ABHD17B: variants seen among roughly 807,000 people sequenced by gnomAD.
ABHD17B encodes the protein alpha/beta hydrolase domain-containing protein 17B.
A neutral mutation model predicts 26.2 loss-of-function variants in ABHD17B; 9 were observed. The observed-to-expected ratio is 0.34, with a 90% CI of 0.21 to 0.60. The LOEUF is 0.60. Among genes scored for constraint, ABHD17B ranks in the 20% least tolerant of loss-of-function variants. The pLI is 0.80. For missense variants in ABHD17B, 224 were observed against 352.1 expected (o/e 0.64, Z 2.91); for synonymous variants, 127 against 122.3 (o/e 1.04, Z -0.25).
At chr9:71,878,663 G>T (rs1410121566) in intron 1 of ABHD17B, among the ~76,000 whole-genome samples, 1 of 152,140 alleles carries the variant, frequency 6.6e-6, no homozygotes, top group Admixed American at 6.5e-5. Flanking sequence ...AGGTATCTGG[G>T]CTGGGTGTGG....
At chr9:71,898,554 G>C (rs536692258) in intron 1 of ABHD17B, among the ~76,000 whole-genome samples, 3 of 151,962 alleles carry the variant, frequency 2.0e-5, no homozygotes, top group African/African-American at 7.3e-5. Context: ...CAGGAGAATC[G>C]CTTGAACCCA....
downstream of ABHD17B, chr9:71,862,469 TTA>T: frequency 7.9e-7 from 1 of 1,262,682 alleles, no homozygotes; most frequent in Non-Finnish European, 1.1e-6. Flanking sequence ...GCAAATAAGT[TTA>T]TGTCATATAA....
In ABHD17B at chr9:71,904,017, A is replaced by G. The variant is rs368663105; in HGVS notation, c.-4+6617T>C. ...AACACAGGTTTCACTTAAAGACCATATTCTATCCACTCTTCCAGTATTTTG... is the reference window on the plus strand; with the variant it reads ...AACACAGGTTTCACTTAAAGACCATGTTCTATCCACTCTTCCAGTATTTTG... On this transcript the variant is annotated intron_variant, in intron 1 of 3. Transcript: ENST00000333421. Among the ~76,000 whole-genome samples, 118 of 152,276 alleles carry G rather than the reference A, an allele frequency of 7.7e-4. 1 individual carries two copies. Among genetic ancestry groups the G allele is most frequent in the African/African-American group, 2.7e-3 (114 of 41,550 alleles).
At position 71,866,798 on chromosome 9, in the gene ABHD17B, C is replaced by T; in HGVS notation, c.856G>A (p.Val286Ile). The T allele has an allele frequency of 6.2e-7, 1 of 1,614,134 alleles. No individual in the cohort carries two copies. The highest frequency in any genetic ancestry group is 8.5e-7 in the Non-Finnish European group (1 of 1,180,004). ...ATTTACAGAATATTTTACAAATTTA[C>T]CAGTTCCTGTGACACAAACTGTTTC... ...RLKQFVSQEL[V>I]NL Residue 286 changes from valine to isoleucine, a missense_variant, in exon 4 of 4, where the codon GTA becomes ATA. Coordinates refer to ENST00000333421, the MANE Select transcript of ABHD17B (RefSeq NM_001025780.3).
chr9:71,882,826 T>C (rs1231031591), intron 1 of ABHD17B, among the ~76,000 whole-genome samples: 1 of 151,496 alleles, frequency 6.6e-6, no homozygotes, highest in East Asian at 1.9e-4. Flanking sequence ...TGTTGCACAA[T>C]TCTGTGAAAA....
intron 1 of ABHD17B, among the ~76,000 whole-genome samples, chr9:71,905,289 A>C (rs1033499300): frequency 1.6e-4 from 24 of 152,036 alleles, no homozygotes; most frequent in African/African-American, 5.8e-4. Flanking sequence ...CACCCGGCTA[A>C]GTTTTGGTAT....
At chr9:71,862,549 A>G, downstream of ABHD17B, 1 of 1,587,274 alleles carries the variant, frequency 6.3e-7, no homozygotes, top group African/African-American at 1.3e-5. Context: ...AATACATAGT[A>G]CCGTCATTGA....
intron 1 of ABHD17B, among the ~76,000 whole-genome samples, chr9:71,886,826 T>C (rs550470821): frequency 5.9e-5 from 9 of 152,198 alleles, no homozygotes; most frequent in African/African-American, 1.9e-4. Flanking sequence ...AGACACAAAC[T>C]GGATGAACTG....
intron 1 of ABHD17B, among the ~76,000 whole-genome samples, chr9:71,886,867 A>T (rs2132169704): frequency 6.6e-6 from 1 of 152,296 alleles, no homozygotes; most frequent in African/African-American, 2.4e-5. Flanking sequence ...ACTCGGAGAA[A>T]AAATTTAAAA....
chr9:71,892,608 A>T (rs908024291), intron 1 of ABHD17B, among the ~76,000 whole-genome samples: 1 of 151,858 alleles, frequency 6.6e-6, no homozygotes, highest in South Asian at 2.1e-4. Context: ...AAATTTAGTT[A>T]ATATAAAATT....
Position 71,866,694 on chromosome 9 carries a change from G to A in ABHD17B, c.*93C>T, listed in dbSNP as rs1825964095. 3 of 1,523,724 alleles carry A rather than the reference G, an allele frequency of 2.0e-6. No homozygotes were observed. Among genetic ancestry groups the A allele is most frequent in the Non-Finnish European group, 2.6e-6 (3 of 1,136,926 alleles). The allele number at this position is 1,523,724 out of a possible 1,614,324, so 94.4% of individuals were successfully genotyped here. A position where few individuals can be genotyped will look rare whatever the true frequency, so the allele number is the denominator to read the frequency against. ...GTACATTTATGAAGGCAACTGACAT[G>A]ATTTGCAAACAAAACCTTCAGGTTT... On this transcript the variant is annotated 3_prime_UTR_variant, in exon 4 of 4. Coordinates refer to ENST00000333421, the MANE Select transcript of ABHD17B (RefSeq NM_001025780.3).
chr9:71,898,678 C>T (rs1382761169), intron 1 of ABHD17B, among the ~76,000 whole-genome samples: 1 of 151,784 alleles, frequency 6.6e-6, no homozygotes, highest in Non-Finnish European at 1.5e-5. Context: ...TGGGAAAGGG[C>T]GGGTTTAGAC....
chr9:71,878,654 G>A (rs1258902604), intron 1 of ABHD17B, among the ~76,000 whole-genome samples: 1 of 152,048 alleles, frequency 6.6e-6, no homozygotes, highest in African/African-American at 2.4e-5. Flanking sequence ...TAAGGATAAA[G>A]GTATCTGGGC....
chr9:71,883,049 A>C (rs2132160180), intron 1 of ABHD17B, among the ~76,000 whole-genome samples: 1 of 152,160 alleles, frequency 6.6e-6, no homozygotes, highest in Admixed American at 6.5e-5. Context: ...AGGCTGAGGC[A>C]GGAGAATCGT....
intron 1 of ABHD17B, among the ~76,000 whole-genome samples, chr9:71,903,587 C>G (rs1394432569): frequency 6.6e-6 from 1 of 152,150 alleles, no homozygotes; most frequent in Non-Finnish European, 1.5e-5. Flanking sequence ...GTAATATAAT[C>G]TGAAGCTCTA....
In ABHD17B at chr9:71,874,924, G is replaced by T; in HGVS notation, c.157C>A (p.Arg53=). 2 of 1,614,158 alleles carry T rather than the reference G, an allele frequency of 1.2e-6. No homozygotes were observed. Among genetic ancestry groups the T allele is most frequent in the Non-Finnish European group, 1.7e-6 (2 of 1,180,022 alleles). Reference sequence around the variant, plus strand: ...CTAGAAGAATACTGCCAGTCTGCTCGTTCAGACAGATGTAAAGTCCAACGG... The same window carrying T: ...CTAGAAGAATACTGCCAGTCTGCTCTTTCAGACAGATGTAAAGTCCAACGG... ...GSRWTLHLSE[R]ADWQYSSREK... is the part of the protein sequence containing the mutation. The change falls in exon 2 of 4, where the codon CGA becomes AGA. Residue 53 remains arginine, a synonymous_variant. Coordinates refer to ENST00000333421, the MANE Select transcript of ABHD17B (RefSeq NM_001025780.3).
At chr9:71,904,261 C>A (rs1209805587) in intron 1 of ABHD17B, among the ~76,000 whole-genome samples, 5 of 152,162 alleles carry the variant, frequency 3.3e-5, no homozygotes, top group Non-Finnish European at 5.9e-5. Context: ...GGGAGCTTTG[C>A]TTGTTTTGCT....
At chr9:71,862,808 A>G (rs541840927), downstream of ABHD17B, among the ~76,000 whole-genome samples, 1 of 152,320 alleles carries the variant, frequency 6.6e-6, no homozygotes, top group South Asian at 2.1e-4. Flanking sequence ...TTGCAGAGAC[A>G]GGGTCTCATT....
intron 2 of ABHD17B, 58 bp downstream of exon 2, chr9:71,874,556 C>T: frequency 1.4e-6 from 2 of 1,397,716 alleles, no homozygotes; most frequent in Non-Finnish European, 1.9e-6. Flanking sequence ...TATTCTTACA[C>T]AAGATATTTT....
Sources: allele counts gnomAD v4.1 joint callset (sites outside exome capture counted in the v4.1 genomes callset), GRCh38; gene constraint gnomAD v4.1.1; transcripts MANE v1.5; gene names NCBI Gene and HGNC (gene_info 2026-07-23, HGNC 2026-07-21).